The following FSHR variants were observed in gnomAD, a reference collection of about 807,000 sequenced individuals.
FSHR encodes follicle-stimulating hormone receptor.
In FSHR, 46 loss-of-function variants were observed where a neutral mutation model predicts 52.1. The ratio of observed to expected loss-of-function variants is 0.88; its 90% confidence interval spans 0.70 to 1.13. The LOEUF is 1.13. FSHR is among the 50% of genes most tolerant of loss of function. The pLI is 0.00. For synonymous variants in FSHR, 399 were observed against 309.6 expected (o/e 1.29, Z -3.03); for missense variants, 964 against 834.6 (o/e 1.16, Z -1.91).
At chr2:48,972,426 C>T (rs2104019797) in intron 8 of FSHR, among the ~76,000 whole-genome samples, 1 of 152,320 alleles carries the variant, frequency 6.6e-6, no homozygotes, top group South Asian at 2.1e-4. Context: ...ACCCTTGTCT[C>T]TTTGATGAAT....
At position 48,983,193 on chromosome 2, in the gene FSHR, C is replaced by A. The variant is rs371078381; in HGVS notation, c.525-27G>T. 1.1e-5 allele frequency: 18 copies of A among 1,597,812 alleles called. No homozygotes were observed. The African/African-American group carries it at 1.5e-4, about 13-fold the overall frequency. ...TGAAATAAAAGGCCTATTAAAAAAC[C>A]AATAATGTCAGATGCAAACAATACA... is the stretch of plus-strand genomic sequence containing the variant. On this transcript the variant is annotated intron_variant, in intron 6 of 9. Coordinates refer to ENST00000406846, the MANE Select transcript of FSHR (RefSeq NM_000145.4).
Position 48,992,553 on chromosome 2 carries a change from G to A in FSHR, c.375-1916C>T, listed in dbSNP as rs551376108. Among the ~76,000 whole-genome samples the A allele has an allele frequency of 4.6e-5, 7 of 152,252 alleles. No homozygotes were observed. In the East Asian group the frequency reaches 9.7e-4, roughly 21 times the overall value. ...TCTTCAGTGCCTCTTTCAGCGATACGAAGTTAAAACCAGGTACTGTGAGTG... is the reference window on the plus strand; with the variant it reads ...TCTTCAGTGCCTCTTTCAGCGATACAAAGTTAAAACCAGGTACTGTGAGTG... On this transcript the variant is annotated intron_variant, in intron 4 of 9. Transcript: ENST00000406846.
Position 48,962,569 on chromosome 2 carries a change from G to T in FSHR, c.*164C>A. On this transcript the variant is annotated 3_prime_UTR_variant, in exon 10 of 10. Coordinates refer to ENST00000406846, the MANE Select transcript of FSHR (RefSeq NM_000145.4). ...GTTACTAATAATTCAGCTTCCTAAT[G>T]TATCACATGGAATTAATAGTTCCTG... 1.5e-6 allele frequency: 1 copy of T among 659,490 alleles called. No homozygotes were observed. Among genetic ancestry groups the T allele is most frequent in the Non-Finnish European group, 2.6e-6 (1 of 379,888 alleles). The allele number at this position is 659,490 out of a possible 1,614,324, so 40.9% of individuals were successfully genotyped here.
intron 8 of FSHR, among the ~76,000 whole-genome samples, chr2:48,978,997 A>G (rs1354368322): frequency 6.6e-6 from 1 of 152,164 alleles, no homozygotes; most frequent in Non-Finnish European, 1.5e-5. Context: ...TGGAGGAGAT[A>G]TTTTGGAGAC....
At position 49,073,493 on chromosome 2, in the gene FSHR, G is replaced by A. The variant is rs141476169; in HGVS notation, c.153-5203C>T. ...AATACCCAGGAATAAATTTAACCAA[G>A]GATGTGAAAGACCTTCACAAGGGAA... On this transcript the variant is annotated intron_variant, in intron 1 of 9. Coordinates refer to ENST00000406846, the MANE Select transcript of FSHR (RefSeq NM_000145.4). Among the ~76,000 whole-genome samples the A allele has an allele frequency of 2.9e-3, 442 of 152,036 alleles. 3 individuals carry two copies. Among genetic ancestry groups the A allele is most frequent in the African/African-American group, 9.3e-3 (385 of 41,540 alleles).
At chr2:49,109,808 A>G (rs529516609) in intron 1 of FSHR, among the ~76,000 whole-genome samples, 1 of 152,288 alleles carries the variant, frequency 6.6e-6, no homozygotes, top group East Asian at 1.9e-4. Flanking sequence ...AGGAACGTGA[A>G]AATAAAATTT....
chr2:48,978,312 G>A (rs958515868), intron 8 of FSHR, among the ~76,000 whole-genome samples: 1 of 152,354 alleles, frequency 6.6e-6, no homozygotes, highest in Middle Eastern at 3.4e-3. Flanking sequence ...CCATAAGTGA[G>A]AGCACATTTC....
intron 2 of FSHR, among the ~76,000 whole-genome samples, chr2:49,066,245 G>C (rs1669498489): frequency 6.6e-6 from 1 of 152,162 alleles, no homozygotes; most frequent in Non-Finnish European, 1.5e-5. Context: ...ATAGGTGAAA[G>C]TTGGTCACAT....
At chr2:49,149,499 C>T (rs912837920) in intron 1 of FSHR, among the ~76,000 whole-genome samples, 1 of 152,012 alleles carries the variant, frequency 6.6e-6, no homozygotes, top group Non-Finnish European at 1.5e-5. Flanking sequence ...ACCAGCCTTT[C>T]CCAAAGTGAC....
intron 2 of FSHR, among the ~76,000 whole-genome samples, chr2:49,063,140 T>G (rs985978441): frequency 4.6e-5 from 7 of 152,116 alleles, no homozygotes; most frequent in African/African-American, 1.7e-4. Flanking sequence ...TACCAAGAGC[T>G]TTCAAAGGGA....
chr2:49,152,333 C>G (rs1170997976), intron 1 of FSHR, among the ~76,000 whole-genome samples: 3 of 152,146 alleles, frequency 2.0e-5, no homozygotes, highest in South Asian at 2.1e-4. Flanking sequence ...ATCTCATGCT[C>G]TCTTTCCTTA....
intron 4 of FSHR, among the ~76,000 whole-genome samples, chr2:49,004,883 C>A (rs1241839492): frequency 6.6e-6 from 1 of 152,018 alleles, no homozygotes; most frequent in African/African-American, 2.4e-5. Flanking sequence ...GAAGGCATAT[C>A]CTATGAAAAT....
intron 2 of FSHR, among the ~76,000 whole-genome samples, chr2:49,025,918 T>C (rs778516570): frequency 1.3e-5 from 2 of 152,210 alleles, no homozygotes; most frequent in African/African-American, 2.4e-5. Context: ...ACTGAAATCA[T>C]AACCTAAAAA....
chr2:49,098,924 T>C (rs1367820636), intron 1 of FSHR, among the ~76,000 whole-genome samples: 1 of 143,178 alleles, frequency 7.0e-6, no homozygotes, highest in Non-Finnish European at 1.5e-5. Flanking sequence ...TACATATATA[T>C]CTGCAACACA....
intron 1 of FSHR, among the ~76,000 whole-genome samples, chr2:49,138,639 C>A (rs1477536720): frequency 3.3e-5 from 5 of 152,026 alleles, no homozygotes; most frequent in Non-Finnish European, 7.4e-5. Flanking sequence ...ATAAGAAAGT[C>A]CAGAATAGAG....
chr2:49,015,969 C>T (rs573874295), intron 4 of FSHR, among the ~76,000 whole-genome samples: 1 of 152,134 alleles, frequency 6.6e-6, no homozygotes, highest in Non-Finnish European at 1.5e-5. Context: ...AAGCAGATGA[C>T]TTTGTTTCTT....
Position 48,963,294 on chromosome 2 carries a change from G to T in FSHR, c.1527C>A (p.Ser509Arg). The T allele has an allele frequency of 6.2e-7, 1 of 1,614,100 alleles. No individual in the cohort carries two copies. The highest frequency in any genetic ancestry group is 8.5e-7 in the Non-Finnish European group (1 of 1,180,012). ...AAALFPIFGI[S>R]SYMKVSICLP... ...GGCAGATGCTCACCTTCATGTAGCT[G>T]CTGATGCCAAAGATGGGAAAGAGGG... Residue 509 changes from serine (S) to arginine (R), a missense_variant, in exon 10 of 10, where the codon AGC becomes AGA. Physicochemically the swap from Ser to Arg is moderately radical, Grantham distance 110 (BLOSUM62 -1). Transcript: ENST00000406846.
chr2:49,065,650 A>C (rs1222192730), intron 2 of FSHR, among the ~76,000 whole-genome samples: 2 of 152,158 alleles, frequency 1.3e-5, no homozygotes, highest in Non-Finnish European at 2.9e-5. Flanking sequence ...AATTCAAAAC[A>C]AGAATTATGG....
intron 1 of FSHR, among the ~76,000 whole-genome samples, chr2:49,093,259 C>T (rs1255924464): frequency 1.4e-4 from 21 of 152,264 alleles, no homozygotes; most frequent in African/African-American, 4.3e-4. Context: ...CTGACTTTGT[C>T]TACTTGTTCA....
Sources: allele counts gnomAD v4.1 joint callset (sites outside exome capture counted in the v4.1 genomes callset), GRCh38; gene constraint gnomAD v4.1.1; transcripts MANE v1.5; gene names NCBI Gene and HGNC (gene_info 2026-07-23, HGNC 2026-07-21).